RORA: variants seen among roughly 807,000 people sequenced by gnomAD.
RORA encodes nuclear receptor ROR-alpha.
RORA carries 7 observed loss-of-function variants against 69.5 expected under a neutral mutation model. The ratio of observed to expected loss-of-function variants is 0.10; its 90% CI spans 0.06 to 0.19. RORA has a LOEUF of 0.19. Among genes scored for constraint, RORA ranks in the 10% least tolerant of loss-of-function variants. The probability of loss-of-function intolerance (pLI) is 1.00; values close to 1 mark genes in which losing one functional copy is unlikely to be tolerated. For missense variants in RORA, 457 were observed against 663.0 expected (o/e 0.69, Z 3.41); for synonymous variants, 261 against 240.8 (o/e 1.08, Z -0.78).
chr15:60,710,864 TC>T (rs1190608728), intron 1 of RORA, among the ~76,000 whole-genome samples: 1 of 151,944 alleles, frequency 6.6e-6, no homozygotes, highest in Non-Finnish European at 1.5e-5. Flanking sequence ...AAACCTCCAA[TC>T]CTCTATGCTC....
intron 1 of RORA, among the ~76,000 whole-genome samples, chr15:60,921,755 G>A (rs987487779): frequency 6.6e-6 from 1 of 152,090 alleles, no homozygotes; most frequent in Admixed American, 6.5e-5. Flanking sequence ...TTACCTTTAC[G>A]CTACATCTTC....
intron 1 of RORA, among the ~76,000 whole-genome samples, chr15:60,690,052 C>A (rs1415187022): frequency 2.0e-5 from 3 of 152,178 alleles, no homozygotes; most frequent in African/African-American, 7.2e-5. Context: ...CACTTTGTTA[C>A]CACAGTTCCA....
intron 1 of RORA, among the ~76,000 whole-genome samples, chr15:61,218,366 G>A (rs1246707614): frequency 6.6e-6 from 1 of 152,032 alleles, no homozygotes; most frequent in African/African-American, 2.4e-5. Context: ...CCTGTCAAGT[G>A]GTATTTCTCT....
At chr15:60,699,903 T>C (rs1253873035) in intron 1 of RORA, among the ~76,000 whole-genome samples, 2 of 152,152 alleles carry the variant, frequency 1.3e-5, no homozygotes, top group African/African-American at 4.8e-5. Flanking sequence ...AGGATTATAT[T>C]CCTGAAGCTA....
At chr15:60,763,046 C>A (rs2071919070) in intron 1 of RORA, among the ~76,000 whole-genome samples, 1 of 116,240 alleles carries the variant, frequency 8.6e-6, no homozygotes. Flanking sequence ...AATAAAAGTA[C>A]TGTTTCCAAT....
intron 2 of RORA, among the ~76,000 whole-genome samples, chr15:60,576,950 T>C (rs1214938105): frequency 6.6e-6 from 1 of 152,218 alleles, no homozygotes; most frequent in Non-Finnish European, 1.5e-5. Flanking sequence ...CATTTACTAG[T>C]ACTATTTTTG....
intron 1 of RORA, among the ~76,000 whole-genome samples, chr15:60,720,553 G>A (rs998821685): frequency 1.3e-5 from 2 of 152,180 alleles, no homozygotes; most frequent in Non-Finnish European, 2.9e-5. Flanking sequence ...GTATTTGTGT[G>A]TAAATAAGGA....
chr15:60,884,863 T>C (rs2073734252), intron 1 of RORA, among the ~76,000 whole-genome samples: 1 of 152,230 alleles, frequency 6.6e-6, no homozygotes. Context: ...AGTGTCTCAT[T>C]GTTTTTGAGC....
intron 1 of RORA, among the ~76,000 whole-genome samples, chr15:60,693,929 G>T (rs559449408): frequency 6.6e-6 from 1 of 151,598 alleles, no homozygotes; most frequent in South Asian, 2.1e-4. Flanking sequence ...TTTTTTCACA[G>T]AATTAGAAAA....
At chr15:60,869,054 C>A in intron 1 of RORA, among the ~76,000 whole-genome samples, 1 of 152,110 alleles carries the variant, frequency 6.6e-6, no homozygotes, top group East Asian at 1.9e-4. Context: ...ATCAGGCACC[C>A]CCCCATTATT....
chr15:60,797,980 A>G (rs1472824161), intron 1 of RORA, among the ~76,000 whole-genome samples: 3 of 152,198 alleles, frequency 2.0e-5, no homozygotes, highest in Non-Finnish European at 4.4e-5. Flanking sequence ...TAATACGATC[A>G]TCACTGGCCT....
chr15:61,013,399 G>T (rs1895154208), intron 1 of RORA, among the ~76,000 whole-genome samples: 1 of 152,194 alleles, frequency 6.6e-6, no homozygotes, highest in South Asian at 2.1e-4. Flanking sequence ...AGAAAAGTTT[G>T]CTGACTTCTG....
At chr15:60,879,204 T>C (rs2073652416) in intron 1 of RORA, among the ~76,000 whole-genome samples, 1 of 152,196 alleles carries the variant, frequency 6.6e-6, no homozygotes, top group Non-Finnish European at 1.5e-5. Context: ...GAGCAGGGGT[T>C]TACTGCAATA....
At chr15:60,603,099 A>G (rs1437317917) in intron 2 of RORA, among the ~76,000 whole-genome samples, 1 of 152,208 alleles carries the variant, frequency 6.6e-6, no homozygotes, top group East Asian at 1.9e-4. Flanking sequence ...TGTTGAGTAC[A>G]ATAATTTGCT....
At chr15:61,049,161 G>A (rs970588686) in intron 1 of RORA, among the ~76,000 whole-genome samples, 14 of 152,128 alleles carry the variant, frequency 9.2e-5, no homozygotes, top group African/African-American at 2.2e-4. Flanking sequence ...TCTTGTTGTC[G>A]TCAAAAGCAA....
At chr15:60,809,935 C>A (rs1486882678) in intron 1 of RORA, among the ~76,000 whole-genome samples, 3 of 152,120 alleles carry the variant, frequency 2.0e-5, no homozygotes, top group Non-Finnish European at 2.9e-5. Context: ...CTTCTTGAAG[C>A]TATTTCCCCA....
intron 1 of RORA, among the ~76,000 whole-genome samples, chr15:61,130,929 C>A (rs1031539104): frequency 1.3e-5 from 2 of 152,208 alleles, no homozygotes; most frequent in African/African-American, 4.8e-5. Context: ...ATCACTGAGA[C>A]CCAGCCAAGT....
Position 60,706,074 on chromosome 15 carries a change from C to T in RORA, c.167-27388G>A, listed in dbSNP as rs549303778. ...CGCATAGTTATTTAGGCTAGATCTGCGTGACCTCAAAGCACCGAATCCACC... is the reference window on the plus strand; with the variant it reads ...CGCATAGTTATTTAGGCTAGATCTGTGTGACCTCAAAGCACCGAATCCACC... On this transcript the variant is annotated intron_variant, in intron 1 of 10. Coordinates refer to ENST00000335670, the MANE Select transcript of RORA (RefSeq NM_134261.3). Among the ~76,000 whole-genome samples the T allele has an allele frequency of 8.7e-4, 133 of 152,232 alleles. 1 individual carries two copies. The highest frequency in any genetic ancestry group is 3.4e-3 in the Middle Eastern group (1 of 294).
intron 1 of RORA, among the ~76,000 whole-genome samples, chr15:60,897,328 G>C (rs1167980961): frequency 1.3e-5 from 2 of 152,144 alleles, no homozygotes; most frequent in African/African-American, 4.8e-5. Flanking sequence ...ATGACATATA[G>C]AGATCTTTGC....
Sources: gnomAD v4.1 joint callset for allele counts (sites outside exome capture counted in the v4.1 genomes callset) on GRCh38, gnomAD v4.1.1 for gene constraint, MANE v1.5 for transcripts, NCBI Gene and HGNC (gene_info 2026-07-23, HGNC 2026-07-21) for gene names.